The following SCN9A variants were observed in gnomAD, a reference collection of about 807,000 sequenced individuals.
SCN9A encodes the protein sodium channel protein type 9 subunit alpha.
SCN9A carries 131 observed loss-of-function variants against 187.0 expected under a neutral mutation model. The observed-to-expected ratio is 0.70, with a 90% CI of 0.61 to 0.81. SCN9A has a LOEUF of 0.81. SCN9A is among the 30% of genes least tolerant of loss of function. The probability of loss-of-function intolerance (pLI) is 0.00; values close to 1 mark genes in which losing one functional copy is unlikely to be tolerated. For missense variants in SCN9A, 2,252 were observed against 2,396.6 expected (o/e 0.94, Z 1.26); for synonymous variants, 809 against 808.6 (o/e 1.00, Z -0.01).
chr2:166,279,723 A>T (rs954596177), intron 14 of SCN9A, among the ~76,000 whole-genome samples: 2 of 152,216 alleles, frequency 1.3e-5, no homozygotes. Flanking sequence ...TTTATTGTGT[A>T]TTTACTATAT....
Position 166,333,928 on chromosome 2 carries a change from A to G in SCN9A, c.-50-22122T>C, listed in dbSNP as rs557918693. Among the ~76,000 whole-genome samples, 24 of 152,198 alleles carry G rather than the reference A, an allele frequency of 1.6e-4. 1 individual carries two copies. The highest frequency in any genetic ancestry group is 5.8e-4 in the African/African-American group (24 of 41,552). On this transcript the variant is annotated intron_variant, in intron 1 of 26. Coordinates refer to ENST00000642356, the MANE Select transcript of SCN9A (RefSeq NM_001365536.1). ...TTGGCATACAAGGGATAAACTTTTC[A>G]TCCATTTTATCTTTAATACATTCAA...
Position 166,238,362 on chromosome 2 carries a change from T to C in SCN9A, c.3628-95A>G, listed in dbSNP as rs77128752. 5.4e-3 allele frequency: 4,383 copies of C among 812,762 alleles called. 167 individuals are homozygous for C. The African/African-American group carries it at 0.07, about 13-fold the overall frequency. The allele number at this position is 812,762 out of a possible 1,614,324, so 50.3% of individuals were successfully genotyped here. On this transcript the variant is annotated intron_variant, in intron 19 of 26. Coordinates refer to ENST00000642356, the MANE Select transcript of SCN9A (RefSeq NM_001365536.1). Reference sequence around the variant, plus strand: ...AAAAATACAATTCTAATGCTAAGACTGCTGAAACATAATATTGACATGGGC... The same window carrying C: ...AAAAATACAATTCTAATGCTAAGACCGCTGAAACATAATATTGACATGGGC...
intron 24 of SCN9A, among the ~76,000 whole-genome samples, chr2:166,222,948 A>AAAC (rs1694671289): frequency 2.7e-5 from 3 of 110,384 alleles, no homozygotes; most frequent in East Asian, 2.2e-4. Flanking sequence ...AAAACAACAA[A>AAAC]AAAAAAAAAA....
intron 21 of SCN9A, 79 bp downstream of exon 21, chr2:166,233,261 A>G: frequency 2.8e-6 from 3 of 1,063,944 alleles, no homozygotes; most frequent in Non-Finnish European, 3.9e-6. Context: ...AACAACTCAT[A>G]ATTTCTACAT....
chr2:166,209,238 T>C (rs962617973), intron 24 of SCN9A, among the ~76,000 whole-genome samples: 1 of 151,866 alleles, frequency 6.6e-6, no homozygotes, highest in African/African-American at 2.4e-5. Flanking sequence ...ATTCTTCCAA[T>C]GCACAGACAC....
intron 18 of SCN9A, among the ~76,000 whole-genome samples, chr2:166,244,797 C>A (rs1344046888): frequency 6.6e-6 from 1 of 151,976 alleles, no homozygotes; most frequent in African/African-American, 2.4e-5. Context: ...TTAGCAATTT[C>A]ACATCAGTAG....
At chr2:166,247,410 A>T (rs2106418365) in intron 18 of SCN9A, among the ~76,000 whole-genome samples, 1 of 152,298 alleles carries the variant, frequency 6.6e-6, no homozygotes, top group Non-Finnish European at 1.5e-5. Context: ...TACTAAAGTT[A>T]GAATTAATTA....
rs537867401 is a variant in SCN9A at position 166,197,112 on chromosome 2, T to C, written c.*1560A>G. The C allele has an allele frequency of 6.6e-6, 1 of 152,188 alleles. No homozygotes were observed. The highest frequency in any genetic ancestry group is 2.4e-5 in the African/African-American group (1 of 41,570). 9.4% of individuals were successfully genotyped at this position (152,188 alleles called of 1,614,324 possible). On this transcript the variant is annotated 3_prime_UTR_variant, in exon 27 of 27. Coordinates refer to ENST00000642356, the MANE Select transcript of SCN9A (RefSeq NM_001365536.1). ...AAATTAGTGAAAGTTGTTTTATATATTTGCTTCAAAACCTCCCACAAAAAT... is the reference window on the plus strand; with the variant it reads ...AAATTAGTGAAAGTTGTTTTATATACTTGCTTCAAAACCTCCCACAAAAAT...
At position 166,311,496 on chromosome 2, in the gene SCN9A, C is replaced by A; in HGVS notation, c.258+3G>T. On this transcript the variant is annotated splice_donor_region_variant and intron_variant, in intron 2 of 26. Coordinates refer to ENST00000642356, the MANE Select transcript of SCN9A (RefSeq NM_001365536.1). ...CTGACCACTGAAGTCAAAATAAACT[C>A]ACCTTTTTGTCTGCATAGTAGGGGT... 1 of 1,529,896 alleles carries A rather than the reference C, an allele frequency of 6.5e-7. No individual in the cohort carries two copies. Among genetic ancestry groups the A allele is most frequent in the South Asian group, 1.3e-5 (1 of 74,074 alleles). The allele number at this position is 1,529,896 out of a possible 1,614,324, so 94.8% of individuals were successfully genotyped here.
intron 24 of SCN9A, among the ~76,000 whole-genome samples, chr2:166,219,756 A>G (rs1438879952): frequency 2.6e-5 from 4 of 152,178 alleles, no homozygotes; most frequent in Admixed American, 2.6e-4. Context: ...ACACAATAGG[A>G]AATGAAAAAA....
Position 166,340,502 on chromosome 2 carries a change from TTTC to T in SCN9A, c.-50-28699_-50-28697del, listed in dbSNP as rs1193231809. Reference sequence around the variant, plus strand: ...TTCTCTTTCTTTTTTTCTTTCTTTCTTTCTTTTCCTTCCTTCCCTCTCTCCTTT... The same window carrying T: ...TTCTCTTTCTTTTTTTCTTTCTTTCTTTTTCCTTCCTTCCCTCTCTCCTTT... On this transcript the variant is annotated intron_variant, in intron 1 of 26. Coordinates refer to ENST00000642356, the MANE Select transcript of SCN9A (RefSeq NM_001365536.1). Among the ~76,000 whole-genome samples the T allele has an allele frequency of 7.6e-3, 1,140 of 150,856 alleles. 16 individuals carry two copies. Among genetic ancestry groups the T allele is most frequent in the African/African-American group, 0.026 (1,075 of 40,766 alleles).
chr2:166,284,535 A>G lies in SCN9A; in HGVS notation c.1892T>C (p.Val631Ala), dbSNP rs1697642744. ...AVDCNGVVSLVDGRSALMLPN... is the reference protein window; with the variant it reads ...AVDCNGVVSLADGRSALMLPN... ...GAGCATGAGGGCTGAGCGTCCATCA[A>G]CCAGGGAGACCACACCGTTGCAGTC... Residue 631 changes from valine to alanine, a missense_variant, in exon 12 of 27, where the codon GTT (valine) becomes GCT (alanine). Val to Ala is a moderately conservative substitution (Grantham distance 64). Transcript: ENST00000642356. 1.9e-6 allele frequency: 3 copies of G among 1,614,082 alleles called. No individual in the cohort carries two copies. Among genetic ancestry groups the G allele is most frequent in the Non-Finnish European group, 1.7e-6 (2 of 1,179,986 alleles).
chr2:166,361,212 CTG>C (rs145811912), intron 1 of SCN9A, among the ~76,000 whole-genome samples: 30,782 of 151,976 alleles, frequency 0.2, 4,009 homozygotes, highest in Non-Finnish European at 0.29. Flanking sequence ...TACATTGTAA[CTG>C]TTATTATTAG....
At chr2:166,313,837 T>C (rs1699039235) in intron 1 of SCN9A, among the ~76,000 whole-genome samples, 1 of 152,218 alleles carries the variant, frequency 6.6e-6, no homozygotes, top group Non-Finnish European at 1.5e-5. Context: ...AGCTTAATCA[T>C]TTCTAGCTTC....
At chr2:166,326,772 A>T (rs1446187188) in intron 1 of SCN9A, among the ~76,000 whole-genome samples, 2 of 152,146 alleles carry the variant, frequency 1.3e-5, no homozygotes, top group African/African-American at 4.8e-5. Flanking sequence ...GTTATTGTGA[A>T]CTTTTCTGAA....
chr2:166,366,609 C>A (rs1048164191), intron 1 of SCN9A, among the ~76,000 whole-genome samples: 4 of 152,252 alleles, frequency 2.6e-5, no homozygotes, highest in Non-Finnish European at 5.9e-5. Context: ...ACATTCCCAC[C>A]AACAGTGGAC....
At chr2:166,375,148 T>C (rs577936356) in intron 1 of SCN9A, among the ~76,000 whole-genome samples, 2 of 152,294 alleles carry the variant, frequency 1.3e-5, no homozygotes, top group African/African-American at 4.8e-5. Flanking sequence ...AATAAATAAA[T>C]AATCTGCGCT....
chr2:166,198,769 G>T lies in SCN9A; in HGVS notation c.5870C>A (p.Ser1957Ter). ...GTCTGGCTTTGTTACACTATCATAT[G>T]AAGGTGGAGAGGTGGTGGATGAAGT... is the stretch of plus-strand genomic sequence containing the variant. Reference protein sequence around the residue: ...DATSSTTSPPSYDSVTKPDKE... With the variant: ...DATSSTTSPP Residue 1957 changes from serine to a stop codon, truncating the protein, a stop_gained, in exon 27 of 27, where the codon TCA becomes TAA. Transcript: ENST00000642356. LOFTEE classifies it high-confidence loss of function. The T allele has an allele frequency of 6.2e-7, 1 of 1,613,528 alleles. No individual in the cohort carries two copies. Among genetic ancestry groups the T allele is most frequent in the Non-Finnish European group, 8.5e-7 (1 of 1,179,614 alleles).
At chr2:166,239,449 A>G (rs928348590) in intron 19 of SCN9A, among the ~76,000 whole-genome samples, 7 of 152,140 alleles carry the variant, frequency 4.6e-5, no homozygotes, top group African/African-American at 1.7e-4. Flanking sequence ...TTCTGCTTTC[A>G]ATACTCTAAA....
Sources: allele counts gnomAD v4.1 joint callset (sites outside exome capture counted in the v4.1 genomes callset), GRCh38; gene constraint gnomAD v4.1.1; transcripts MANE v1.5; gene names NCBI Gene and HGNC (gene_info 2026-07-23, HGNC 2026-07-21).